The following BCR variants were observed in gnomAD, a reference collection of about 807,000 sequenced individuals.
BCR encodes BCR activator of RhoGEF and GTPase, also known as breakpoint cluster region protein.
Under a neutral mutation model 138.6 loss-of-function variants are expected in BCR, and 58 were observed. The ratio of observed to expected loss-of-function variants is 0.42; its 90% CI spans 0.34 to 0.52. BCR has a LOEUF of 0.52. BCR is among the 20% of genes least tolerant of loss of function. The pLI is 0.06. For synonymous variants in BCR, 786 were observed against 730.1 expected (o/e 1.08, Z -1.23); for missense variants, 1,599 against 1,727.2 (o/e 0.93, Z 1.32).
At chr22:23,305,966 TTAAA>T (rs2073951020) in intron 16 of BCR, among the ~76,000 whole-genome samples, 1 of 152,218 alleles carries the variant, frequency 6.6e-6, no homozygotes, top group Non-Finnish European at 1.5e-5. Flanking sequence ...CTCTGGTGCT[TTAAA>T]TAACTGCACG....
chr22:23,189,877 G>A (rs568680883), intron 1 of BCR, among the ~76,000 whole-genome samples: 11 of 152,324 alleles, frequency 7.2e-5, no homozygotes, highest in East Asian at 1.9e-4. Context: ...GAAAACACCC[G>A]TTAGCAATGG....
intron 8 of BCR, among the ~76,000 whole-genome samples, chr22:23,279,902 T>TGC (rs1443065726): frequency 1.3e-5 from 2 of 152,092 alleles, no homozygotes; most frequent in Admixed American, 6.5e-5. Context: ...TCCGGCAGGG[T>TGC]GCCAGCAGGG....
intron 8 of BCR, among the ~76,000 whole-genome samples, chr22:23,274,434 C>G (rs1046017177): frequency 1.3e-5 from 2 of 152,338 alleles, no homozygotes; most frequent in East Asian, 3.9e-4. Context: ...CAGGTAGCAG[C>G]TACTGAGAAC....
chr22:23,195,656 G>A (rs903653392), intron 1 of BCR, among the ~76,000 whole-genome samples: 9 of 152,168 alleles, frequency 5.9e-5, no homozygotes, highest in Admixed American at 5.2e-4. Context: ...GGAGGCCGAG[G>A]TGGGTGGATC....
intron 1 of BCR, among the ~76,000 whole-genome samples, chr22:23,211,628 G>C (rs530409631): frequency 2.0e-5 from 3 of 152,050 alleles, no homozygotes; most frequent in Admixed American, 2.0e-4. Context: ...GGGATTACAG[G>C]CGCCCACCAC....
At chr22:23,263,562 G>A (rs1488754893) in intron 4 of BCR, 23 of 1,573,772 alleles carry the variant, frequency 1.5e-5, no homozygotes, top group South Asian at 2.2e-5. Context: ...TCCAGATGGT[G>A]CCAGCTTGAA....
chr22:23,292,542 T>G lies in BCR; in HGVS notation c.2784T>G (p.Asn928Lys). The G allele has an allele frequency of 6.2e-7, 1 of 1,612,024 alleles. No individual in the cohort carries two copies. The change falls in exon 15 of 23, where the codon AAT becomes AAG. Residue 928 changes from asparagine (N) to lysine (K), a missense_variant and splice_region_variant. Physicochemically the swap from Asn to Lys is moderately conservative, Grantham distance 94. Transcript: ENST00000305877. Reference sequence around the variant, plus strand: ...CTCCATGTCCACTTCTCCCCACAGATCTGTACTGCACCCTGGAGGTGGATT... The same window carrying G: ...CTCCATGTCCACTTCTCCCCACAGAGCTGTACTGCACCCTGGAGGTGGATT... ...HSATGFKQSS[N>K]LYCTLEVDSF...
chr22:23,216,142 G>T (rs747617105), intron 1 of BCR, among the ~76,000 whole-genome samples: 1 of 152,126 alleles, frequency 6.6e-6, no homozygotes, highest in Non-Finnish European at 1.5e-5. Flanking sequence ...TCTGATAAGC[G>T]TTGGCAACAC....
chr22:23,223,989 C>G (rs2072859896), intron 1 of BCR, among the ~76,000 whole-genome samples: 1 of 152,182 alleles, frequency 6.6e-6, no homozygotes, highest in Non-Finnish European at 1.5e-5. Context: ...CAGGGACAGA[C>G]AGGAGTGCCC....
chr22:23,208,841 C>T lies in BCR; in HGVS notation c.1279+26602C>T, dbSNP rs376740138. On this transcript the variant is annotated intron_variant, in intron 1 of 22. Coordinates refer to ENST00000305877, the MANE Select transcript of BCR (RefSeq NM_004327.4). ...CTGCACTCCAGCCTGGGCAACAGAG[C>T]GAGACTCCGTCTAAAAACAAACCAA... Among the ~76,000 whole-genome samples, 45 of 151,636 alleles carry T rather than the reference C, an allele frequency of 3.0e-4. 1 individual carries two copies. In the East Asian group the frequency reaches 6.8e-3, roughly 23 times the overall value.
intron 1 of BCR, among the ~76,000 whole-genome samples, chr22:23,199,592 T>G (rs2072525535): frequency 6.6e-6 from 1 of 152,192 alleles, no homozygotes. Flanking sequence ...GTGGAAACTA[T>G]TGCAGTCAGC....
At chr22:23,280,923 A>G (rs757804599) in intron 8 of BCR, among the ~76,000 whole-genome samples, 10 of 152,198 alleles carry the variant, frequency 6.6e-5, no homozygotes, top group Non-Finnish European at 1.3e-4. Context: ...ACCAGGACAC[A>G]CACAGGCCTG....
At chr22:23,189,353 C>T (rs2072385912) in intron 1 of BCR, among the ~76,000 whole-genome samples, 1 of 152,172 alleles carries the variant, frequency 6.6e-6, no homozygotes, top group African/African-American at 2.4e-5. Context: ...CCGGAAGCCA[C>T]CGTTCTACTC....
chr22:23,263,479 T>C, intron 4 of BCR: 1 of 1,533,284 alleles, frequency 6.5e-7, no homozygotes, highest in South Asian at 1.1e-5. Context: ...TGCAGTCAGA[T>C]GCCCTGGATG....
chr22:23,259,260 G>T (rs1400988747), intron 2 of BCR, among the ~76,000 whole-genome samples: 2 of 152,178 alleles, frequency 1.3e-5, no homozygotes, highest in Non-Finnish European at 2.9e-5. Context: ...AAGATCAAGG[G>T]GTGGGCAGGG....
chr22:23,290,543 C>T (rs1444885872), intron 14 of BCR, 130 bp downstream of exon 14: 7 of 945,680 alleles, frequency 7.4e-6, no homozygotes, highest in South Asian at 4.1e-5. Flanking sequence ...TTGACCCTGG[C>T]CGCTGTGGAG....
chr22:23,269,281 C>A (rs544750749), intron 5 of BCR, among the ~76,000 whole-genome samples: 1 of 152,216 alleles, frequency 6.6e-6, no homozygotes, highest in Non-Finnish European at 1.5e-5. Flanking sequence ...GGTCACTCTG[C>A]GACATTTTCC....
chr22:23,187,202 A>G (rs1006826864), intron 1 of BCR, among the ~76,000 whole-genome samples: 1 of 150,786 alleles, frequency 6.6e-6, no homozygotes, highest in Non-Finnish European at 1.5e-5. Context: ...TGACTTATCA[A>G]TTACTCGGTC....
At chr22:23,276,253 G>C (rs1478939429) in intron 8 of BCR, among the ~76,000 whole-genome samples, 1 of 152,220 alleles carries the variant, frequency 6.6e-6, no homozygotes, top group East Asian at 1.9e-4. Flanking sequence ...CAAAAAATTA[G>C]CTGGGCGTGG....
Sources: gnomAD v4.1 joint callset for allele counts (sites outside exome capture counted in the v4.1 genomes callset) on GRCh38, gnomAD v4.1.1 for gene constraint, MANE v1.5 for transcripts, NCBI Gene and HGNC (gene_info 2026-07-23, HGNC 2026-07-21) for gene names.